The following PHF24 variants were observed in gnomAD, a reference collection of about 807,000 sequenced individuals.
The protein encoded by PHF24 is PHD finger protein 24.
Under a neutral mutation model 42.6 loss-of-function variants are expected in PHF24, and 25 were observed. The ratio of observed to expected loss-of-function variants is 0.59; its 90% CI spans 0.43 to 0.82. PHF24 has a LOEUF of 0.82. PHF24 is among the 40% of genes least tolerant of loss of function. PHF24 has a pLI of 0.00. For missense variants in PHF24, 470 were observed against 538.1 expected, an observed-to-expected ratio of 0.87 and a Z score of 1.25; for synonymous variants, 185 against 204.8, an observed-to-expected ratio of 0.90 and a Z score of 0.83.
At chr9:34,831,738 G>A in the PHF24 span, among the ~76,000 whole-genome samples, 5 of 152,142 alleles carry the variant, frequency 3.3e-5, no homozygotes, top group Non-Finnish European at 7.3e-5. Context: ...TGTGGGACAG[G>A]CCCTTCTCCA....
the PHF24 span, among the ~76,000 whole-genome samples, chr9:34,671,955 G>T: frequency 1.3e-5 from 2 of 151,912 alleles, no homozygotes; most frequent in African/African-American, 4.8e-5. Flanking sequence ...CTGTTCATCT[G>T]TATGTTCAAC....
chr9:34,923,922 T>G, the PHF24 span, among the ~76,000 whole-genome samples: 1 of 152,070 alleles, frequency 6.6e-6, no homozygotes, highest in Admixed American at 6.5e-5. Context: ...TTTTTTACTT[T>G]TTTTGATGTA....
the PHF24 span, among the ~76,000 whole-genome samples, chr9:34,766,030 C>T: frequency 6.6e-6 from 1 of 152,084 alleles, no homozygotes; most frequent in Admixed American, 6.6e-5. Context: ...ATATTGGCCC[C>T]CACTCTCTTC....
the PHF24 span, among the ~76,000 whole-genome samples, chr9:34,764,117 T>C: frequency 6.6e-6 from 1 of 152,210 alleles, no homozygotes; most frequent in Non-Finnish European, 1.5e-5. Context: ...TTATTGAGGA[T>C]TTTTGCATCA....
chr9:34,829,098 G>T, the PHF24 span, among the ~76,000 whole-genome samples: 1 of 152,092 alleles, frequency 6.6e-6, no homozygotes. Context: ...GTGAGAAGTG[G>T]TCATATTCTG....
the PHF24 span, among the ~76,000 whole-genome samples, chr9:34,880,887 A>C: frequency 3.3e-3 from 510 of 152,334 alleles, 1 homozygote; most frequent in South Asian, 0.018. Flanking sequence ...TCTCCACCCC[A>C]AATCAACAGA....
chr9:34,742,829 G>T, the PHF24 span, among the ~76,000 whole-genome samples: 1 of 152,106 alleles, frequency 6.6e-6, no homozygotes, highest in Non-Finnish European at 1.5e-5. Context: ...ACTTTAACAA[G>T]ACAATTACCT....
chr9:34,909,945 A>G, the PHF24 span, among the ~76,000 whole-genome samples: 2 of 152,126 alleles, frequency 1.3e-5, no homozygotes, highest in Non-Finnish European at 2.9e-5. Flanking sequence ...CCTTTTAAGG[A>G]GGTTTTTCAT....
At chr9:34,824,090 T>C in the PHF24 span, among the ~76,000 whole-genome samples, 21 of 152,270 alleles carry the variant, frequency 1.4e-4, no homozygotes, top group South Asian at 2.5e-3. Context: ...CTGGTAGAGT[T>C]TCCAGGGCAG....
At chr9:34,841,382 G>A in the PHF24 span, among the ~76,000 whole-genome samples, 6 of 152,082 alleles carry the variant, frequency 3.9e-5, no homozygotes, top group Non-Finnish European at 5.9e-5. Flanking sequence ...TTTTGCTGTC[G>A]TGAATAATGT....
At chr9:34,955,442 C>T (rs1362569965), upstream of PHF24, among the ~76,000 whole-genome samples, 5 of 151,968 alleles carry the variant, frequency 3.3e-5, no homozygotes, top group East Asian at 7.7e-4. Flanking sequence ...TTTGGGAAGT[C>T]GAGGCAGGGA....
the PHF24 span, among the ~76,000 whole-genome samples, chr9:34,742,836 A>C: frequency 6.6e-6 from 1 of 152,202 alleles, no homozygotes; most frequent in Non-Finnish European, 1.5e-5. Flanking sequence ...CAAGACAATT[A>C]CCTATAATAA....
the PHF24 span, among the ~76,000 whole-genome samples, chr9:34,694,389 G>A: frequency 8.6e-5 from 13 of 151,642 alleles, no homozygotes; most frequent in African/African-American, 2.9e-4. Context: ...GGAGTGCAAT[G>A]GCACAATCTC....
chr9:34,849,114 G>C, the PHF24 span, among the ~76,000 whole-genome samples: 1 of 152,094 alleles, frequency 6.6e-6, no homozygotes, highest in Non-Finnish European at 1.5e-5. Context: ...ATGTCTATTA[G>C]GTCCGCTTGG....
the PHF24 span, among the ~76,000 whole-genome samples, chr9:34,760,550 A>G: frequency 6.6e-6 from 1 of 152,124 alleles, no homozygotes; most frequent in Non-Finnish European, 1.5e-5. Flanking sequence ...GCCCCAGAGT[A>G]GTGTCAGGCA....
chr9:34,784,010 C>T, the PHF24 span, among the ~76,000 whole-genome samples: 1 of 152,214 alleles, frequency 6.6e-6, no homozygotes, highest in Non-Finnish European at 1.5e-5. Flanking sequence ...TTTTTAAACA[C>T]TGCCTCCAAG....
chr9:34,920,306 A>T, the PHF24 span, among the ~76,000 whole-genome samples: 1 of 152,160 alleles, frequency 6.6e-6, no homozygotes, highest in Non-Finnish European at 1.5e-5. Flanking sequence ...TCTGATGATC[A>T]GTGAGTTCAC....
chr9:34,882,798 T>G, the PHF24 span, among the ~76,000 whole-genome samples: 1 of 152,116 alleles, frequency 6.6e-6, no homozygotes, highest in Non-Finnish European at 1.5e-5. Context: ...CCAAGGTAAT[T>G]TATAGATTCA....
the PHF24 span, among the ~76,000 whole-genome samples, chr9:34,749,736 A>G: frequency 6.6e-6 from 1 of 151,256 alleles, no homozygotes; most frequent in Admixed American, 6.6e-5. Context: ...TAAGCCCCAC[A>G]TGCATTAGGT....
Sources: allele counts gnomAD v4.1 joint callset (sites outside exome capture counted in the v4.1 genomes callset), GRCh38; gene constraint gnomAD v4.1.1; transcripts MANE v1.5; gene names NCBI Gene and HGNC (gene_info 2026-07-23, HGNC 2026-07-21).